The following LPP variants were observed in gnomAD, a reference collection of about 807,000 sequenced individuals.
The protein encoded by LPP is LIM domain containing preferred translocation partner in lipoma, also known as lipoma-preferred partner.
In LPP, 38 loss-of-function variants were observed where a neutral mutation model predicts 60.4. That is an observed-to-expected ratio of 0.63 (90% CI 0.49 to 0.83). LPP has a LOEUF of 0.83. Among genes scored for constraint, LPP ranks in the 40% least tolerant of loss-of-function variants. The probability of loss-of-function intolerance (pLI) is 0.00; values close to 1 mark genes in which losing one functional copy is unlikely to be tolerated. For missense variants in LPP, 902 were observed against 783.6 expected (o/e 1.15, Z -1.80); for synonymous variants, 328 against 290.8 (o/e 1.13, Z -1.30).
intron 6 of LPP, among the ~76,000 whole-genome samples, chr3:188,531,761 T>C (rs1375995685): frequency 6.6e-6 from 1 of 152,176 alleles, no homozygotes; most frequent in African/African-American, 2.4e-5. Context: ...TTATCCTTTA[T>C]CGTATCCTCT....
intron 7 of LPP, among the ~76,000 whole-genome samples, chr3:188,648,665 T>A (rs75991369): frequency 0.037 from 5,589 of 152,258 alleles, 347 homozygotes; most frequent in African/African-American, 0.13. Context: ...ACCCTTATTT[T>A]AAATAAATAG....
chr3:188,872,565 C>T (rs1160790944), intron 10 of LPP, 78 bp from the exon 11 acceptor site: 14 of 1,548,574 alleles, frequency 9.0e-6, no homozygotes, highest in Middle Eastern at 3.4e-4. Context: ...TCTCAGTTTC[C>T]ACCTCTTCCT....
chr3:188,722,150 C>T (rs1307629443), intron 8 of LPP, among the ~76,000 whole-genome samples: 2 of 152,150 alleles, frequency 1.3e-5, no homozygotes, highest in African/African-American at 2.4e-5. Flanking sequence ...GAGAGGGTCA[C>T]TGCCTTGAAA....
At chr3:188,200,264 T>TC (rs1730712545) in intron 1 of LPP, among the ~76,000 whole-genome samples, 1 of 150,400 alleles carries the variant, frequency 6.6e-6, no homozygotes, top group African/African-American at 2.4e-5. Context: ...TTTTTTTTTT[T>TC]CTGAGACGGA....
intron 8 of LPP, among the ~76,000 whole-genome samples, chr3:188,734,575 C>G (rs910908986): frequency 5.3e-5 from 8 of 152,220 alleles, no homozygotes; most frequent in African/African-American, 1.7e-4. Context: ...CTCATTGCCA[C>G]CTGCTATTAA....
intron 1 of LPP, among the ~76,000 whole-genome samples, chr3:188,211,142 T>C (rs774923022): frequency 6.6e-6 from 1 of 152,202 alleles, no homozygotes; most frequent in Non-Finnish European, 1.5e-5. Context: ...GGACACATGA[T>C]TGGACCATTT....
At chr3:188,748,975 A>C (rs1727190802) in intron 8 of LPP, among the ~76,000 whole-genome samples, 2 of 152,148 alleles carry the variant, frequency 1.3e-5, no homozygotes, top group South Asian at 4.1e-4. Context: ...CCCATGTCCT[A>C]CTGCCATTCC....
chr3:188,814,864 G>C (rs970753312), intron 9 of LPP, among the ~76,000 whole-genome samples: 2 of 152,222 alleles, frequency 1.3e-5, no homozygotes, highest in African/African-American at 4.8e-5. Context: ...TAGCGGCAGA[G>C]CCCAGAAGAT....
At chr3:188,211,036 A>C (rs1230145066) in intron 1 of LPP, among the ~76,000 whole-genome samples, 1 of 152,214 alleles carries the variant, frequency 6.6e-6, no homozygotes, top group African/African-American at 2.4e-5. Flanking sequence ...AATAAATAAT[A>C]AATGTTTGCT....
intron 3 of LPP, among the ~76,000 whole-genome samples, chr3:188,347,651 C>A (rs904044776): frequency 6.6e-6 from 1 of 152,150 alleles, no homozygotes; most frequent in African/African-American, 2.4e-5. Context: ...TCTGACCACG[C>A]ACAGATCAGC....
intron 1 of LPP, among the ~76,000 whole-genome samples, chr3:188,199,808 A>G (rs1577243807): frequency 1.3e-5 from 2 of 151,260 alleles, no homozygotes; most frequent in East Asian, 3.9e-4. Context: ...TCCCCCTCCC[A>G]GGTTCAAGAC....
chr3:188,603,975 T>C (rs925910469), intron 6 of LPP, among the ~76,000 whole-genome samples: 14 of 152,202 alleles, frequency 9.2e-5, no homozygotes, highest in African/African-American at 3.4e-4. Context: ...GTCATGTAGC[T>C]GAAATTAAAA....
At chr3:188,339,979 C>T (rs932030729) in intron 2 of LPP, among the ~76,000 whole-genome samples, 4 of 152,226 alleles carry the variant, frequency 2.6e-5, no homozygotes, top group African/African-American at 9.6e-5. Flanking sequence ...ACTCTTTCTC[C>T]TTTCACTTGC....
intron 9 of LPP, among the ~76,000 whole-genome samples, chr3:188,843,920 C>G (rs1048503691): frequency 1.3e-5 from 2 of 151,988 alleles, no homozygotes; most frequent in African/African-American, 4.8e-5. Flanking sequence ...CTCTTCCTCT[C>G]TCACACTCTA....
intron 9 of LPP, among the ~76,000 whole-genome samples, chr3:188,772,559 A>G (rs1412401806): frequency 6.6e-6 from 1 of 151,774 alleles, no homozygotes; most frequent in Non-Finnish European, 1.5e-5. Flanking sequence ...CAGTGGCGCC[A>G]TCTTGGCTCA....
intron 7 of LPP, among the ~76,000 whole-genome samples, chr3:188,634,130 A>T (rs761579208): frequency 2.0e-5 from 3 of 152,246 alleles, no homozygotes; most frequent in Non-Finnish European, 4.4e-5. Flanking sequence ...TTAGTGTCTC[A>T]GATTCTGGAA....
At chr3:188,160,003 C>G (rs1176340698) in intron 1 of LPP, among the ~76,000 whole-genome samples, 1 of 152,194 alleles carries the variant, frequency 6.6e-6, no homozygotes, top group Non-Finnish European at 1.5e-5. Flanking sequence ...ACCTCCACCC[C>G]CTGGGTTCAA....
At chr3:188,506,663 C>T (rs997511139) in intron 5 of LPP, among the ~76,000 whole-genome samples, 14 of 152,168 alleles carry the variant, frequency 9.2e-5, no homozygotes, top group Non-Finnish European at 5.9e-5. Flanking sequence ...GAGAGCTGGT[C>T]CTAACCACAA....
At chr3:188,445,577 T>C (rs998947832) in intron 4 of LPP, among the ~76,000 whole-genome samples, 3 of 152,054 alleles carry the variant, frequency 2.0e-5, no homozygotes, top group Non-Finnish European at 4.4e-5. Flanking sequence ...CCGTGGCATA[T>C]GTATACCTAT....
Sources: allele counts gnomAD v4.1 joint callset (sites outside exome capture counted in the v4.1 genomes callset), GRCh38; gene constraint gnomAD v4.1.1; transcripts MANE v1.5; gene names NCBI Gene and HGNC (gene_info 2026-07-23, HGNC 2026-07-21).